The following KIF13A variants were observed in gnomAD, a reference collection of about 807,000 sequenced individuals.
KIF13A encodes kinesin-like protein KIF13A.
KIF13A carries 79 observed loss-of-function variants against 212.2 expected under a neutral mutation model. The observed-to-expected ratio is 0.37, with a 90% CI of 0.31 to 0.45. KIF13A has a LOEUF of 0.45. KIF13A is among the 20% of genes least tolerant of loss of function. The probability of loss-of-function intolerance (pLI) is 1.00; values close to 1 mark genes in which losing one functional copy is unlikely to be tolerated. For synonymous variants in KIF13A, 789 were observed against 808.6 expected, an observed-to-expected ratio of 0.98 and a Z score of 0.41; for missense variants, 1,901 against 2,209.0, an observed-to-expected ratio of 0.86 and a Z score of 2.79.
In KIF13A at chr6:17,850,292, C is replaced by A. The variant is rs760143330; in HGVS notation, c.717+31G>T. The A allele has an allele frequency of 6.3e-7, 1 of 1,577,896 alleles. No homozygotes were observed. The highest frequency in any genetic ancestry group is 8.6e-7 in the Non-Finnish European group (1 of 1,159,118). On this transcript the variant is annotated intron_variant, in intron 8 of 38. Coordinates refer to ENST00000259711, the MANE Select transcript of KIF13A (RefSeq NM_022113.6). The surrounding 1 kb of genome is among the most constrained non-coding windows in gnomAD (Gnocchi z 6.2). ...TGGACACTTTCAGTTCTTCCACCCC[C>A]ACTCCAAAAAGGTTCTGCCTAATCC...
intron 2 of KIF13A, among the ~76,000 whole-genome samples, chr6:17,952,852 C>G (rs1777991904): frequency 6.6e-6 from 1 of 151,700 alleles, no homozygotes; most frequent in Non-Finnish European, 1.5e-5. Flanking sequence ...GTGGCGCGAA[C>G]CCGGGAGGCA....
In KIF13A at chr6:17,769,014, T is replaced by C. The variant is rs1183784125; in HGVS notation, c.4581+2100A>G. Among the ~76,000 whole-genome samples, 3 of 150,196 alleles carry C rather than the reference T, an allele frequency of 2.0e-5. No individual in the cohort carries two copies. The East Asian group carries it at 5.8e-4, about 29-fold the overall frequency. On this transcript the variant is annotated intron_variant, in intron 38 of 38. Coordinates refer to ENST00000259711, the MANE Select transcript of KIF13A (RefSeq NM_022113.6). This position sits in a 1 kb window ranked among gnomAD's most constrained non-coding sequence, Gnocchi z 5.8. ...AAATTACAGAAGTTACTATGGTAAT[T>C]AGGTGGGTTAAACATTAACAGGAAC...
chr6:17,771,115 ATCT>A lies in KIF13A; in HGVS notation c.4577_4579del (p.Lys1526del), dbSNP rs1212914820. 11 of 1,604,964 alleles carry A rather than the reference ATCT, an allele frequency of 6.9e-6. No homozygotes were observed. The highest frequency in any genetic ancestry group is 6.7e-5 in the African/African-American group (5 of 74,744). ...GACAGAAATGGTTCCGGAACTTACAATCTTCTTCTCACGTTTGCTATTGTGTTC... is the reference window on the plus strand; with the variant it reads ...GACAGAAATGGTTCCGGAACTTACAATCTTCTCACGTTTGCTATTGTGTTC... On this transcript the variant is annotated inframe_deletion and splice_region_variant, in exon 38 of 39. Transcript: ENST00000259711. The surrounding 1 kb of genome is among the most constrained non-coding windows in gnomAD (Gnocchi z 5.4).
intron 38 of KIF13A, 154 bp downstream of exon 38, chr6:17,770,960 A>G: frequency 1.7e-6 from 1 of 593,596 alleles, no homozygotes; most frequent in Non-Finnish European, 2.9e-6. Context: ...GGCCACATCC[A>G]TGCAAAATAT....
At chr6:17,966,795 C>T (rs1779362917) in intron 2 of KIF13A, among the ~76,000 whole-genome samples, 1 of 152,026 alleles carries the variant, frequency 6.6e-6, no homozygotes, top group African/African-American at 2.4e-5. Context: ...ACAATAATAA[C>T]ACACACTAAG....
At chr6:17,819,884 G>C (rs1166690596) in intron 16 of KIF13A, among the ~76,000 whole-genome samples, 1 of 151,946 alleles carries the variant, frequency 6.6e-6, no homozygotes, top group South Asian at 2.1e-4. Flanking sequence ...GAAAGGACAG[G>C]GTGCTACAGT....
At position 17,875,755 on chromosome 6, in the gene KIF13A, C is replaced by T. The variant is rs543654793; in HGVS notation, c.160-2318G>A. ...CAGGCGTGAGCCACCATGCCTGGCC[C>T]TAACTGCTGTTTTTCATGCCCATTA... On this transcript the variant is annotated intron_variant, in intron 3 of 38. Coordinates refer to ENST00000259711, the MANE Select transcript of KIF13A (RefSeq NM_022113.6). 2.3e-3 allele frequency among the ~76,000 whole-genome samples: 355 copies of T among 152,110 alleles called. 1 individual carries two copies. The highest frequency in any genetic ancestry group is 7.9e-3 in the South Asian group (38 of 4,822).
intron 2 of KIF13A, among the ~76,000 whole-genome samples, chr6:17,936,178 T>C (rs1029195645): frequency 2.0e-5 from 3 of 152,226 alleles, no homozygotes; most frequent in Non-Finnish European, 4.4e-5. Context: ...GACGGTGTCT[T>C]ACTCTTCCAC....
chr6:17,875,759 C>T (rs776613711), intron 3 of KIF13A, among the ~76,000 whole-genome samples: 1 of 151,994 alleles, frequency 6.6e-6, no homozygotes, highest in Non-Finnish European at 1.5e-5. Context: ...CTGGCCCTAA[C>T]TGCTGTTTTT....
chr6:17,776,543 GATA>G lies in KIF13A; in HGVS notation c.4170+731_4170+733del, dbSNP rs1458948888. Among the ~76,000 whole-genome samples the G allele has an allele frequency of 6.6e-6, 1 of 152,214 alleles. No homozygotes were observed. Among genetic ancestry groups the G allele is most frequent in the Non-Finnish European group, 1.5e-5 (1 of 68,038 alleles). On this transcript the variant is annotated intron_variant, in intron 34 of 38. Coordinates refer to ENST00000259711, the MANE Select transcript of KIF13A (RefSeq NM_022113.6). The surrounding 1 kb of genome is among the most constrained non-coding windows in gnomAD (Gnocchi z 4.6). ...TGTGGTCAGAAGAAGTAATCTGTGT[GATA>G]ATAATTACTGGGATTTGCTCTGTAG...
rs925829189 is a variant in KIF13A at position 17,816,042 on chromosome 6, G to C, written c.2000+978C>G. Among the ~76,000 whole-genome samples, 2 of 151,790 alleles carry C rather than the reference G, an allele frequency of 1.3e-5. No individual in the cohort carries two copies. The highest frequency in any genetic ancestry group is 6.6e-5 in the Admixed American group (1 of 15,244). On this transcript the variant is annotated intron_variant, in intron 17 of 38. Coordinates refer to ENST00000259711, the MANE Select transcript of KIF13A (RefSeq NM_022113.6). The surrounding 1 kb of genome is among the most constrained non-coding windows in gnomAD (Gnocchi z 4.3). ...CCTGCCTCAGCCTCCCAAGTAGCTG[G>C]GATTACAGGCGCCTGCCACCATGCG...
intron 2 of KIF13A, among the ~76,000 whole-genome samples, chr6:17,927,783 G>C (rs1775613483): frequency 6.6e-6 from 1 of 152,196 alleles, no homozygotes; most frequent in Admixed American, 6.5e-5. Context: ...CAGAGGCAAT[G>C]GGATGGTGAG....
chr6:17,799,308 CT>C lies in KIF13A; in HGVS notation c.2747del (p.Gln916ArgfsTer9). On this transcript the variant is annotated frameshift_variant, in exon 22 of 39. Transcript: ENST00000259711. LOFTEE classifies it high-confidence loss of function. This position sits in a 1 kb window ranked among gnomAD's most constrained non-coding sequence, Gnocchi z 4.4. ...PVVDPEVPSP[Q>X]SKDAQYTVTF... ...TCACTGTGTACTGGGCATCCTTGGACTGTGGTGAAGGCACCTCGGGGTCCAC... is the reference window on the plus strand; with the variant it reads ...TCACTGTGTACTGGGCATCCTTGGACGTGGTGAAGGCACCTCGGGGTCCAC... 1 of 1,613,198 alleles carries C rather than the reference CT, an allele frequency of 6.2e-7. No homozygotes were observed. The highest frequency in any genetic ancestry group is 8.5e-7 in the Non-Finnish European group (1 of 1,179,524).
In KIF13A at chr6:17,817,036, G is replaced by C; in HGVS notation, c.1984C>G (p.Gln662Glu). 6.2e-7 allele frequency: 1 copy of C among 1,611,838 alleles called. No homozygotes were observed. The highest frequency in any genetic ancestry group is 8.5e-7 in the Non-Finnish European group (1 of 1,179,458). Residue 662 changes from glutamine to glutamate, a missense_variant, in exon 17 of 39, where the codon CAG becomes GAG. Around this residue, in one of 5 missense-constraint regions of KIF13A, gnomAD observed 534 missense variants for 536.9 expected, o/e 0.99. Transcript: ENST00000259711. The part of the protein sequence containing the change: ...SSQTAQQKVT[Q>E]WAEERDELFR... ...AGTTCTTACCTCTCTTCTGCCCACT[G>C]GGTCACCTTCTGCTGCGCTGTCTGG...
chr6:17,788,741 C>T (rs1030122714), intron 26 of KIF13A, among the ~76,000 whole-genome samples: 16 of 151,788 alleles, frequency 1.1e-4, no homozygotes, highest in African/African-American at 3.4e-4. Flanking sequence ...TTTTTTTCCC[C>T]GAAACAGAGT....
At position 17,763,979 on chromosome 6, in the gene KIF13A, G is replaced by A; in HGVS notation, c.*131C>T. ...CCCAAAACAGACTTGCTCTCCGACA[G>A]AGACAGCTGTGCAGGAAGTGAGCCT... is the stretch of plus-strand genomic sequence containing the variant. On this transcript the variant is annotated 3_prime_UTR_variant, in exon 39 of 39. Transcript: ENST00000259711. 1.4e-6 allele frequency: 2 copies of A among 1,450,056 alleles called. No individual in the cohort carries two copies. Among genetic ancestry groups the A allele is most frequent in the African/African-American group, 2.9e-5 (2 of 69,908 alleles). The allele number at this position is 1,450,056 out of a possible 1,614,324, so 89.8% of individuals were successfully genotyped here.
chr6:17,761,503 C>G (rs757075577), downstream of KIF13A, among the ~76,000 whole-genome samples: 3 of 152,114 alleles, frequency 2.0e-5, no homozygotes, highest in Non-Finnish European at 4.4e-5. Context: ...CCTGCCTCAG[C>G]CTCCCGAGTA....
At chr6:17,938,525 C>A (rs7749606) in intron 2 of KIF13A, among the ~76,000 whole-genome samples, 3 of 152,092 alleles carry the variant, frequency 2.0e-5, no homozygotes, top group Non-Finnish European at 2.9e-5. Context: ...TCTCACCTAA[C>A]GAAGAATTGG....
Position 17,777,872 on chromosome 6 carries a change from T to C in KIF13A, c.4093-518A>G, listed in dbSNP as rs2150302021. On this transcript the variant is annotated intron_variant, in intron 33 of 38. Transcript: ENST00000259711. The surrounding 1 kb of genome is among the most constrained non-coding windows in gnomAD (Gnocchi z 4.4). ...AGATAAATAAAACTGCAGGGTGTGG[T>C]GGTTCATGTCTATAATCCCAGCACT... Among the ~76,000 whole-genome samples, 1 of 152,252 alleles carries C rather than the reference T, an allele frequency of 6.6e-6. No homozygotes were observed. The highest frequency in any genetic ancestry group is 1.9e-4 in the East Asian group (1 of 5,186).
Sources: gnomAD v4.1 joint callset for allele counts (sites outside exome capture counted in the v4.1 genomes callset) on GRCh38, gnomAD v4.1.1 for gene constraint, gnomAD v4.1.1 regional missense constraint, Gnocchi (gnomAD v3.1) non-coding constraint, MANE v1.5 for transcripts, NCBI Gene and HGNC (gene_info 2026-07-23, HGNC 2026-07-21) for gene names.